Variants in ANXA8 observed in about 807,000 individuals in gnomAD.
The protein encoded by ANXA8 is VAC-beta.
A neutral mutation model predicts 26.8 loss-of-function variants in ANXA8; 9 were observed. The observed-to-expected ratio is 0.34, with a 90% CI of 0.20 to 0.59. The LOEUF (loss-of-function observed/expected upper bound fraction) is 0.59. ANXA8 is among the 20% of genes least tolerant of loss of function. ANXA8 has a pLI of 0.84. For synonymous variants in ANXA8, 39 were observed against 94.8 expected, an observed-to-expected ratio of 0.41 and a Z score of 3.42; for missense variants, 83 against 238.5, an observed-to-expected ratio of 0.35 and a Z score of 4.29.
the ANXA8 span, among the ~76,000 whole-genome samples, chr10:47,593,831 A>G: frequency 1.4e-5 from 2 of 145,204 alleles, no homozygotes; most frequent in South Asian, 2.2e-4. Flanking sequence ...GTGTTGCCAA[A>G]GGAGATTAAC....
chr10:47,762,892 G>C, the ANXA8 span: 1 of 1,431,574 alleles, frequency 7.0e-7, no homozygotes, highest in Non-Finnish European at 9.2e-7. Context: ...GCGCAGAGCC[G>C]ACCGTGAGCT....
chr10:47,735,653 A>G, the ANXA8 span, among the ~76,000 whole-genome samples: 681 of 149,404 alleles, frequency 4.6e-3, 7 homozygotes, highest in Middle Eastern at 0.028. Context: ...ATCTTATTTT[A>G]TTTTATTTTT....
chr10:47,563,688 G>T, the ANXA8 span: 2 of 809,496 alleles, frequency 2.5e-6, no homozygotes, highest in Admixed American at 3.5e-5. Context: ...GTGGTTGGTA[G>T]GTGATCGCTT....
chr10:47,511,289 C>A, the ANXA8 span, among the ~76,000 whole-genome samples: 4 of 142,470 alleles, frequency 2.8e-5, no homozygotes, highest in Middle Eastern at 6.7e-3. Flanking sequence ...ATTAAATAAT[C>A]CTGCTACAAG....
chr10:47,616,219 A>T, the ANXA8 span, among the ~76,000 whole-genome samples: 1 of 72,826 alleles, frequency 1.4e-5, no homozygotes, highest in East Asian at 2.7e-4. Context: ...GGAAGAATTA[A>T]AAGAAAAGAG....
the ANXA8 span, among the ~76,000 whole-genome samples, chr10:47,967,365 G>A: frequency 6.7e-6 from 1 of 150,110 alleles, no homozygotes; most frequent in Admixed American, 6.6e-5. Flanking sequence ...GCCTCATTAT[G>A]CACCTCTGCT....
At chr10:47,892,554 T>C in the ANXA8 span, among the ~76,000 whole-genome samples, 9 of 148,514 alleles carry the variant, frequency 6.1e-5, no homozygotes, top group African/African-American at 2.3e-4. Flanking sequence ...GAGTGAATCA[T>C]GACTAGTATC....
chr10:47,711,911 C>T, the ANXA8 span, among the ~76,000 whole-genome samples: 2 of 22,598 alleles, frequency 8.9e-5, no homozygotes, highest in African/African-American at 4.8e-4. Flanking sequence ...ATCCAGCCCC[C>T]CTTATTTGTA....
the ANXA8 span, among the ~76,000 whole-genome samples, chr10:47,708,034 C>T: frequency 7.1e-6 from 1 of 140,752 alleles, no homozygotes; most frequent in Non-Finnish European, 1.6e-5. Context: ...GAATTCTACA[C>T]AGCCATAAAA....
At chr10:47,590,604 A>G in the ANXA8 span, among the ~76,000 whole-genome samples, 1 of 146,344 alleles carries the variant, frequency 6.8e-6, no homozygotes, top group Non-Finnish European at 1.5e-5. Context: ...GCACCACAGA[A>G]GCAAGTTAGT....
At chr10:47,567,525 C>G in the ANXA8 span, among the ~76,000 whole-genome samples, 448 of 150,640 alleles carry the variant, frequency 3.0e-3, 11 homozygotes, top group African/African-American at 0.01. Context: ...CAGCCGCCTT[C>G]TCTGCTGTTT....
chr10:47,673,333 C>T, the ANXA8 span, among the ~76,000 whole-genome samples: 3 of 151,632 alleles, frequency 2.0e-5, no homozygotes, highest in Non-Finnish European at 4.4e-5. Context: ...CCAGCAGAGG[C>T]TCTCCAGGCT....
the ANXA8 span, among the ~76,000 whole-genome samples, chr10:47,644,236 C>T: frequency 5.0e-4 from 74 of 148,746 alleles, 4 homozygotes; most frequent in African/African-American, 1.8e-3. Context: ...ACATAGCTCT[C>T]ATTAACCTTG....
the ANXA8 span, among the ~76,000 whole-genome samples, chr10:47,700,208 G>A: frequency 6.6e-6 from 1 of 151,854 alleles, no homozygotes; most frequent in Admixed American, 6.6e-5. Context: ...ACTGACAAAG[G>A]AAAACTACAG....
chr10:47,954,693 T>TAA, the ANXA8 span, among the ~76,000 whole-genome samples: 1 of 147,364 alleles, frequency 6.8e-6, no homozygotes, highest in Non-Finnish European at 1.5e-5. Flanking sequence ...TATGTACCCA[T>TAA]AAAAATAAAA....
the ANXA8 span, among the ~76,000 whole-genome samples, chr10:47,589,903 T>TGATAGATAGATAGATA: frequency 8.0e-5 from 10 of 125,662 alleles, no homozygotes; most frequent in South Asian, 2.5e-4. Flanking sequence ...GATAGATAGA[T>TGATAGATAGATAGATA]GATAGATAGA....
the ANXA8 span, among the ~76,000 whole-genome samples, chr10:47,664,429 G>A: frequency 2.6e-5 from 4 of 151,672 alleles, no homozygotes; most frequent in African/African-American, 9.7e-5. Context: ...TTAGCTGGGT[G>A]TGGTGGCGGG....
the ANXA8 span, among the ~76,000 whole-genome samples, chr10:47,695,502 T>G: frequency 2.0e-5 from 3 of 151,656 alleles, no homozygotes; most frequent in African/African-American, 7.3e-5. Context: ...GAAAAGCAGA[T>G]TTGGACATTG....
the ANXA8 span, among the ~76,000 whole-genome samples, chr10:47,548,640 C>T: frequency 2.9e-5 from 4 of 139,264 alleles, no homozygotes; most frequent in African/African-American, 1.0e-4. Flanking sequence ...TGTAAAAGAT[C>T]ATAGAATATC....
Sources: gnomAD v4.1 joint callset for allele counts (sites outside exome capture counted in the v4.1 genomes callset) on GRCh38, gnomAD v4.1.1 for gene constraint, MANE v1.5 for transcripts, NCBI Gene and HGNC (gene_info 2026-07-23, HGNC 2026-07-21) for gene names.